ERC1: variants seen among roughly 807,000 people sequenced by gnomAD.
The protein encoded by ERC1 is ELKS/RAB6-interacting/CAST family member 1.
A neutral mutation model predicts 132.0 loss-of-function variants in ERC1; 56 were observed. The observed-to-expected ratio is 0.42, with a 90% CI of 0.34 to 0.53. The LOEUF is 0.53. Among genes scored for constraint, ERC1 ranks in the 20% least tolerant of loss-of-function variants. The pLI is 0.03. For synonymous variants in ERC1, 478 were observed against 476.1 expected (o/e 1.00, Z -0.05); for missense variants, 1,202 against 1,349.9 (o/e 0.89, Z 1.72).
At chr12:1,193,068 A>G (rs1384690516) in intron 12 of ERC1, among the ~76,000 whole-genome samples, 1 of 152,198 alleles carries the variant, frequency 6.6e-6, no homozygotes, top group Non-Finnish European at 1.5e-5. Flanking sequence ...AACTCAAGAA[A>G]ATCCTTAGTA....
intron 1 of ERC1, among the ~76,000 whole-genome samples, chr12:1,017,935 C>A (rs1443547671): frequency 6.6e-6 from 1 of 152,190 alleles, no homozygotes; most frequent in Non-Finnish European, 1.5e-5. Flanking sequence ...TTTGTCCCCA[C>A]AGACATATTT....
At chr12:1,367,644 C>T (rs1303972248) in intron 15 of ERC1, among the ~76,000 whole-genome samples, 1 of 152,100 alleles carries the variant, frequency 6.6e-6, no homozygotes, top group East Asian at 1.9e-4. Flanking sequence ...TTGATGTTTG[C>T]CTCCAGTTTC....
intron 3 of ERC1, 112 bp downstream of exon 3, chr12:1,083,692 A>C: frequency 1.2e-6 from 1 of 848,568 alleles, no homozygotes. Context: ...GGTGGAAGAG[A>C]ATTTCATCCT....
At chr12:1,300,729 A>C (rs1388983147) in intron 15 of ERC1, among the ~76,000 whole-genome samples, 1 of 152,196 alleles carries the variant, frequency 6.6e-6, no homozygotes, top group Non-Finnish European at 1.5e-5. Flanking sequence ...ATTAGATAAA[A>C]TGCAAATCAA....
Position 1,409,702 on chromosome 12 carries a change from CTG to C in ERC1, c.3024+1459_3024+1460del, listed in dbSNP as rs201209098. On this transcript the variant is annotated intron_variant, in intron 17 of 18. Transcript: ENST00000360905. ...TAAGCTACACACATCCTCCCATATACTGTGTTTTGTTTTGTTTTGTTTTTGAG... is the reference window on the plus strand; with the variant it reads ...TAAGCTACACACATCCTCCCATATACTGTTTTGTTTTGTTTTGTTTTTGAG... 9.1e-3 allele frequency among the ~76,000 whole-genome samples: 1,386 copies of C among 152,098 alleles called. 10 individuals are homozygous for C. The highest frequency in any genetic ancestry group is 0.016 in the Admixed American group (249 of 15,272).
intron 2 of ERC1, among the ~76,000 whole-genome samples, chr12:1,047,561 C>A (rs1336375887): frequency 1.3e-5 from 2 of 152,124 alleles, no homozygotes; most frequent in Non-Finnish European, 2.9e-5. Context: ...AGAATATTGA[C>A]AAGTAAGTGA....
intron 15 of ERC1, among the ~76,000 whole-genome samples, chr12:1,301,209 A>G (rs1215808973): frequency 1.3e-5 from 2 of 152,130 alleles, no homozygotes; most frequent in Non-Finnish European, 1.5e-5. Context: ...GAGGGAAGAT[A>G]TGGATAAAAA....
intron 18 of ERC1, among the ~76,000 whole-genome samples, chr12:1,470,522 G>A (rs527559143): frequency 5.3e-5 from 8 of 151,514 alleles, no homozygotes; most frequent in East Asian, 3.9e-4. Context: ...TACGCTAGGC[G>A]GACTAGCTAA....
chr12:1,454,428 G>A (rs1041283224), intron 18 of ERC1, among the ~76,000 whole-genome samples: 1 of 152,202 alleles, frequency 6.6e-6, no homozygotes, highest in East Asian at 1.9e-4. Context: ...TAGCTGGTCA[G>A]TCAGAAGCAC....
rs529516692 is a variant in ERC1 at position 1,470,713 on chromosome 12, G to C, written c.3214-19380G>C. Among the ~76,000 whole-genome samples the C allele has an allele frequency of 2.6e-4, 39 of 152,278 alleles. 2 individuals are homozygous for C. In the South Asian group the frequency reaches 7.7e-3, roughly 30 times the overall value. ...ATTACCAAATCAGCTTAGACAACCA[G>C]ATTAAAAATCTGCCTCACTGGGAAA... On this transcript the variant is annotated intron_variant, in intron 18 of 18. Coordinates refer to ENST00000360905, the MANE Select transcript of ERC1 (RefSeq NM_178040.4).
At chr12:1,250,651 G>A (rs998125957) in intron 13 of ERC1, among the ~76,000 whole-genome samples, 7 of 151,994 alleles carry the variant, frequency 4.6e-5, no homozygotes, top group African/African-American at 1.2e-4. Context: ...TCCTTTAAGA[G>A]CCTTGTATGT....
At chr12:1,049,477 G>A (rs191134708) in intron 2 of ERC1, among the ~76,000 whole-genome samples, 1 of 152,224 alleles carries the variant, frequency 6.6e-6, no homozygotes, top group Non-Finnish European at 1.5e-5. Context: ...TGGGCTTGGG[G>A]GTGGTCTTGC....
intron 2 of ERC1, among the ~76,000 whole-genome samples, chr12:1,068,650 T>G (rs979377530): frequency 2.0e-4 from 31 of 152,242 alleles, no homozygotes; most frequent in African/African-American, 7.2e-4. Flanking sequence ...ATTGATAATT[T>G]TGTTTTTTAA....
chr12:1,284,744 C>A (rs752803635), intron 14 of ERC1, among the ~76,000 whole-genome samples: 1 of 152,106 alleles, frequency 6.6e-6, no homozygotes, highest in Non-Finnish European at 1.5e-5. Flanking sequence ...GATCATAGCT[C>A]ACTGCAGCTG....
At chr12:1,008,928 T>G (rs1964198250) in intron 1 of ERC1, among the ~76,000 whole-genome samples, 1 of 152,172 alleles carries the variant, frequency 6.6e-6, no homozygotes, top group Non-Finnish European at 1.5e-5. Context: ...GCTACCATAT[T>G]GGACAACACA....
At chr12:991,177 G>T (rs1959188713), upstream of ERC1, 1 of 141,188 alleles carries the variant, frequency 7.1e-6, no homozygotes, top group African/African-American at 2.8e-5. Context: ...GCGGGGCTGG[G>T]GGCGGGGCTA....
intron 16 of ERC1, chr12:1,391,279 G>C (rs924206245): frequency 6.6e-6 from 1 of 152,224 alleles, no homozygotes; most frequent in Non-Finnish European, 1.5e-5. Context: ...TAGAAGTCCA[G>C]TTTCTCCCAC....
At chr12:1,433,504 A>T (rs2092860907) in intron 17 of ERC1, among the ~76,000 whole-genome samples, 1 of 152,180 alleles carries the variant, frequency 6.6e-6, no homozygotes, top group East Asian at 1.9e-4. Flanking sequence ...TAGAGCACTG[A>T]ACTCACAGGT....
chr12:1,111,304 C>T (rs1945831180), intron 5 of ERC1, among the ~76,000 whole-genome samples: 1 of 152,090 alleles, frequency 6.6e-6, no homozygotes, highest in South Asian at 2.1e-4. Context: ...ATCAATTTAC[C>T]AGTTTTGTTG....
Sources: allele counts gnomAD v4.1 joint callset (sites outside exome capture counted in the v4.1 genomes callset), GRCh38; gene constraint gnomAD v4.1.1; transcripts MANE v1.5; gene names NCBI Gene and HGNC (gene_info 2026-07-23, HGNC 2026-07-21).